Variants in ILDR1 observed in about 807,000 individuals in gnomAD.
The protein encoded by ILDR1 is immunoglobulin like domain containing receptor 1, also known as immunoglobulin-like domain-containing receptor 1.
Under a neutral mutation model 62.4 loss-of-function variants are expected in ILDR1, and 56 were observed. The observed-to-expected ratio is 0.90, with a 90% CI of 0.72 to 1.12. The LOEUF (loss-of-function observed/expected upper bound fraction) is 1.12. Ranked by LOEUF, ILDR1 falls within the 50% of genes most tolerant of loss-of-function variation. The probability of loss-of-function intolerance (pLI) is 0.00; values close to 1 mark genes in which losing one functional copy is unlikely to be tolerated. For synonymous variants in ILDR1, 284 were observed against 277.8 expected, an observed-to-expected ratio of 1.02 and a Z score of -0.22; for missense variants, 736 against 710.6, an observed-to-expected ratio of 1.04 and a Z score of -0.41.
chr3:122,000,345 C>T (rs1040979064), intron 5 of ILDR1, among the ~76,000 whole-genome samples: 1 of 151,994 alleles, frequency 6.6e-6, no homozygotes, highest in African/African-American at 2.4e-5. Flanking sequence ...TCACTGATAG[C>T]CAATGACTTA....
At chr3:122,011,667 T>C (rs2071704514) in intron 1 of ILDR1, among the ~76,000 whole-genome samples, 1 of 40,196 alleles carries the variant, frequency 2.5e-5, no homozygotes, top group Non-Finnish European at 5.1e-5. Flanking sequence ...TCTCTCTCTC[T>C]CTCTCTCTTT....
chr3:122,007,028 G>A lies in ILDR1; in HGVS notation c.192C>T (p.Ser64=), dbSNP rs778339911. ...QDVVVTWRFK[S]FCKDPIFDYY... The stretch of plus-strand genomic sequence containing the variant: ...AGTCAAAGATAGGGTCCTTGCAGAA[G>A]GACTTGAAGCGCCATGTCACCACCA... Residue 64 remains serine (S), a synonymous_variant, in exon 2 of 8, where the codon TCC becomes TCT. Transcript: ENST00000344209. The A allele has an allele frequency of 1.6e-5, 26 of 1,613,500 alleles. No homozygotes were observed. The highest frequency in any genetic ancestry group is 1.8e-4 in the Middle Eastern group (1 of 5,678).
At chr3:122,050,338 T>C in the ILDR1 span, among the ~76,000 whole-genome samples, 2 of 152,228 alleles carry the variant, frequency 1.3e-5, no homozygotes, top group Admixed American at 6.5e-5. Context: ...CTGTTGCTCT[T>C]TTTATCTCTT....
the ILDR1 span, among the ~76,000 whole-genome samples, chr3:122,049,304 T>TA: frequency 6.6e-5 from 10 of 151,642 alleles, no homozygotes; most frequent in East Asian, 1.9e-4. Flanking sequence ...TGTGATCTAT[T>TA]AAAAAAAAAT....
chr3:122,025,828 G>C (rs1440526338), upstream of ILDR1, among the ~76,000 whole-genome samples: 1 of 152,194 alleles, frequency 6.6e-6, no homozygotes, highest in Admixed American at 6.5e-5. Context: ...GTAAGTAGCT[G>C]ATTGACACTA....
At chr3:122,014,646 G>A (rs539383403) in intron 1 of ILDR1, among the ~76,000 whole-genome samples, 17 of 152,270 alleles carry the variant, frequency 1.1e-4, no homozygotes, top group Non-Finnish European at 2.2e-4. Context: ...GAGTTAAAGG[G>A]AATAAACCTT....
At chr3:122,040,185 G>A in the ILDR1 span, among the ~76,000 whole-genome samples, 133 of 151,728 alleles carry the variant, frequency 8.8e-4, 2 homozygotes, top group Middle Eastern at 3.4e-3. Flanking sequence ...AAATAACAAG[G>A]GAACAACTGG....
chr3:121,993,527 G>T lies in ILDR1; in HGVS notation c.1222C>A (p.Leu408Met). The T allele has an allele frequency of 6.2e-7, 1 of 1,614,206 alleles. No homozygotes were observed. Among genetic ancestry groups the T allele is most frequent in the Non-Finnish European group, 8.5e-7 (1 of 1,180,038 alleles). The change falls in exon 7 of 8, where the codon CTG (leucine) becomes ATG (methionine). Residue 408 changes from leucine (L) to methionine (M), a missense_variant. Coordinates refer to ENST00000344209, the MANE Select transcript of ILDR1 (RefSeq NM_001199799.2). The stretch of plus-strand genomic sequence containing the variant: ...GACCAGTGTATGGGTGACCCATTCA[G>T]CCTAGAGCTACGGTGCCTTCCACTC... ...SWSGRHRSSR[L>M]NGSPIHWSDR...
At chr3:122,021,289 T>G (rs888266749) in intron 1 of ILDR1, among the ~76,000 whole-genome samples, 4 of 152,218 alleles carry the variant, frequency 2.6e-5, no homozygotes, top group African/African-American at 9.7e-5. Context: ...ATTCTGTCCC[T>G]CAGCTACCCT....
At chr3:122,048,643 T>A in the ILDR1 span, among the ~76,000 whole-genome samples, 1 of 152,352 alleles carries the variant, frequency 6.6e-6, no homozygotes, top group South Asian at 2.1e-4. Flanking sequence ...TCTTTATGAT[T>A]CAGCTTTGGT....
At chr3:122,000,729 A>C (rs974564720) in intron 5 of ILDR1, among the ~76,000 whole-genome samples, 3 of 152,204 alleles carry the variant, frequency 2.0e-5, no homozygotes, top group African/African-American at 7.2e-5. Context: ...AGTAGGGGGC[A>C]GTCTTGTGGG....
the ILDR1 span, among the ~76,000 whole-genome samples, chr3:122,040,444 C>T: frequency 6.6e-6 from 1 of 151,446 alleles, no homozygotes; most frequent in African/African-American, 2.4e-5. Context: ...TTAATGCAAA[C>T]ATGTTTGGAA....
the ILDR1 span, among the ~76,000 whole-genome samples, chr3:122,038,155 T>A: frequency 6.6e-6 from 1 of 152,184 alleles, no homozygotes; most frequent in Non-Finnish European, 1.5e-5. Flanking sequence ...AATGGACTAC[T>A]ACAAAACCTG....
the ILDR1 span, among the ~76,000 whole-genome samples, chr3:122,030,220 G>C: frequency 1.3e-3 from 200 of 152,214 alleles, 1 homozygote; most frequent in African/African-American, 4.5e-3. Flanking sequence ...AAGGACAAAT[G>C]GGGGCTGCAT....
Position 121,993,341 on chromosome 3 carries a change from G to A in ILDR1, c.1408C>T (p.Pro470Ser). Reference sequence around the variant, plus strand: ...GAACTGAGGCCGGAGGGCAAGGGAGGAGAGTAGCTGCGGTGCCTGCGTCGT... The same window carrying A: ...GAACTGAGGCCGGAGGGCAAGGGAGAAGAGTAGCTGCGGTGCCTGCGTCGT... ...GRRRRHRSYS[P>S]PLPSGLSSWS... The change falls in exon 7 of 8, where the codon CCT becomes TCT. Residue 470 changes from proline to serine, a missense_variant. Coordinates refer to ENST00000344209, the MANE Select transcript of ILDR1 (RefSeq NM_001199799.2). 6.2e-7 allele frequency: 1 copy of A among 1,610,248 alleles called. No individual in the cohort carries two copies. Among genetic ancestry groups the A allele is most frequent in the Non-Finnish European group, 8.5e-7 (1 of 1,177,052 alleles).
At chr3:122,024,013 C>G (rs1019099508), upstream of ILDR1, among the ~76,000 whole-genome samples, 4 of 151,932 alleles carry the variant, frequency 2.6e-5, no homozygotes, top group Non-Finnish European at 5.9e-5. Flanking sequence ...CTTTCCCATA[C>G]CTCCCCCCCA....
At chr3:122,025,479 T>A (rs2071911864), upstream of ILDR1, among the ~76,000 whole-genome samples, 1 of 152,200 alleles carries the variant, frequency 6.6e-6, no homozygotes. Context: ...TTAGGCAATC[T>A]ATTTTCAGAA....
chr3:122,021,881 T>A, intron 1 of ILDR1, 139 bp downstream of exon 1: 1 of 760,458 alleles, frequency 1.3e-6, no homozygotes, highest in Non-Finnish European at 2.2e-6. Flanking sequence ...TCCCCGCACC[T>A]CCTGGCGCCC....
rs776350294 is a variant in ILDR1, at chr3:121,993,192, T to C, written c.1557A>G (p.Pro519=). 2.0e-5 allele frequency: 33 copies of C among 1,613,098 alleles called. No homozygotes were observed. The highest frequency in any genetic ancestry group is 2.4e-5 in the Non-Finnish European group (28 of 1,179,672). Reference sequence around the variant, plus strand: ...TCCCTTTTTTCCTGCTATTCTTGCCTGGAGTGATATCAAGTGAGCGGTAGC... The same window carrying C: ...TCCCTTTTTTCCTGCTATTCTTGCCCGGAGTGATATCAAGTGAGCGGTAGC... ...PPSYRSLDIT[P]GKNSRKKGSV... The change falls in exon 7 of 8, where the codon CCA becomes CCG. Residue 519 remains proline, a synonymous_variant. Transcript: ENST00000344209.
Sources: gnomAD v4.1 joint callset for allele counts (sites outside exome capture counted in the v4.1 genomes callset) on GRCh38, gnomAD v4.1.1 for gene constraint, MANE v1.5 for transcripts, NCBI Gene and HGNC (gene_info 2026-07-23, HGNC 2026-07-21) for gene names.